Variants in ANGPT1 observed in about 807,000 individuals in gnomAD.
The protein encoded by ANGPT1 is angiopoietin-1.
In ANGPT1, 17 loss-of-function variants were observed where a neutral mutation model predicts 62.2. The observed-to-expected ratio is 0.27, with a 90% CI of 0.19 to 0.41. The LOEUF (loss-of-function observed/expected upper bound fraction) is 0.41. Among genes scored for constraint, ANGPT1 ranks in the 10% least tolerant of loss-of-function variants. ANGPT1 has a pLI of 1.00. For missense variants in ANGPT1, 478 were observed against 594.9 expected (o/e 0.80, Z 2.04); for synonymous variants, 199 against 198.9 (o/e 1.00, Z 0.00).
intron 8 of ANGPT1, among the ~76,000 whole-genome samples, chr8:107,257,500 C>A (rs2514870): frequency 1.3e-5 from 2 of 152,100 alleles, no homozygotes; most frequent in African/African-American, 4.8e-5. Flanking sequence ...AAACAAAACA[C>A]CTCTCAACAC....
At chr8:107,280,311 T>C (rs1223929853) in intron 7 of ANGPT1, among the ~76,000 whole-genome samples, 1 of 151,952 alleles carries the variant, frequency 6.6e-6, no homozygotes, top group Non-Finnish European at 1.5e-5. Flanking sequence ...AGTGATTCTC[T>C]TGTCTCAGCG....
intron 1 of ANGPT1, among the ~76,000 whole-genome samples, chr8:107,384,625 T>C (rs192383801): frequency 2.2e-3 from 341 of 152,244 alleles, no homozygotes; most frequent in Non-Finnish European, 3.9e-3. Context: ...AGTATTTTAT[T>C]GGGGACTTAT....
At chr8:107,443,913 T>A (rs1265024730) in intron 1 of ANGPT1, among the ~76,000 whole-genome samples, 1 of 152,094 alleles carries the variant, frequency 6.6e-6, no homozygotes, top group Non-Finnish European at 1.5e-5. Context: ...GAAGTTACCA[T>A]GCAGACAAAC....
intron 1 of ANGPT1, among the ~76,000 whole-genome samples, chr8:107,455,563 C>T (rs1386802938): frequency 3.3e-5 from 5 of 151,984 alleles, no homozygotes; most frequent in Non-Finnish European, 7.4e-5. Flanking sequence ...ATACAACAGC[C>T]TTTGCATCAT....
chr8:107,257,876 G>GTTTTTTGTTTT (rs1371396961), intron 8 of ANGPT1, among the ~76,000 whole-genome samples: 2 of 85,260 alleles, frequency 2.3e-5, no homozygotes, highest in African/African-American at 9.3e-5. Context: ...ACTTGTTTTT[G>GTTTTTTGTTTT]TTTCTTTTTT....
rs996647483 is a variant in ANGPT1, at chr8:107,272,826, T to C, written c.1206-8475A>G. Among the ~76,000 whole-genome samples the C allele has an allele frequency of 4.6e-5, 7 of 151,432 alleles. No homozygotes were observed. The Admixed American group carries it at 4.6e-4, about 10-fold the overall frequency. ...TTCAGAAATACATGCTCAGTGATTA[T>C]GTTTTTAGTTCAAAATAAGATAAAT... On this transcript the variant is annotated intron_variant, in intron 7 of 8. Coordinates refer to ENST00000517746, the MANE Select transcript of ANGPT1 (RefSeq NM_001146.5).
At chr8:107,437,106 C>T (rs894518737) in intron 1 of ANGPT1, among the ~76,000 whole-genome samples, 1 of 152,120 alleles carries the variant, frequency 6.6e-6, no homozygotes, top group Non-Finnish European at 1.5e-5. Context: ...GTTACATTTC[C>T]AGGACTTTCT....
At chr8:107,393,187 A>C (rs1463707585) in intron 1 of ANGPT1, among the ~76,000 whole-genome samples, 1 of 152,112 alleles carries the variant, frequency 6.6e-6, no homozygotes, top group Non-Finnish European at 1.5e-5. Flanking sequence ...AGCTGTAACT[A>C]TTTATTATAA....
At chr8:107,333,116 T>C (rs1438654023) in intron 3 of ANGPT1, among the ~76,000 whole-genome samples, 8 of 152,182 alleles carry the variant, frequency 5.3e-5, no homozygotes, top group East Asian at 1.9e-4. Flanking sequence ...GAAAGTATGC[T>C]ATGTATCACA....
chr8:107,298,710 A>G (rs537816221), intron 5 of ANGPT1, among the ~76,000 whole-genome samples: 1 of 151,862 alleles, frequency 6.6e-6, no homozygotes, highest in Admixed American at 6.6e-5. Flanking sequence ...CAACTCACAC[A>G]CTGACTACAA....
intron 6 of ANGPT1, among the ~76,000 whole-genome samples, chr8:107,293,570 T>C (rs1814335477): frequency 6.6e-6 from 1 of 152,102 alleles, no homozygotes; most frequent in Non-Finnish European, 1.5e-5. Context: ...GGTGAGGCCA[T>C]TGCTATTACC....
At chr8:107,297,904 A>C (rs1008538861) in intron 5 of ANGPT1, among the ~76,000 whole-genome samples, 54 of 151,992 alleles carry the variant, frequency 3.6e-4, no homozygotes, top group African/African-American at 1.1e-3. Context: ...AATTTAAAAA[A>C]ATAGATGGTA....
chr8:107,299,391 G>GTGTATATATA (rs71562137), intron 5 of ANGPT1, among the ~76,000 whole-genome samples: 1 of 112,596 alleles, frequency 8.9e-6, no homozygotes, highest in African/African-American at 3.4e-5. Context: ...ATGAAGGAGT[G>GTGTATATATA]TATATATATA....
At chr8:107,382,560 G>T (rs1374307695) in intron 1 of ANGPT1, among the ~76,000 whole-genome samples, 2 of 151,932 alleles carry the variant, frequency 1.3e-5, no homozygotes, top group Non-Finnish European at 2.9e-5. Context: ...CCTATTTATA[G>T]CATTTCCCAT....
chr8:107,278,256 A>C (rs564748412), intron 7 of ANGPT1, among the ~76,000 whole-genome samples: 20 of 151,680 alleles, frequency 1.3e-4, no homozygotes, highest in Non-Finnish European at 2.1e-4. Context: ...TTGTTTTTTT[A>C]ATTTTTAATA....
intron 1 of ANGPT1, among the ~76,000 whole-genome samples, chr8:107,482,276 G>C (rs904544929): frequency 4.6e-5 from 7 of 152,168 alleles, no homozygotes; most frequent in Non-Finnish European, 8.8e-5. Context: ...TTTCAGAAAA[G>C]GAACTGTAGG....
chr8:107,289,257 T>C (rs926449297), intron 6 of ANGPT1, among the ~76,000 whole-genome samples: 2 of 152,118 alleles, frequency 1.3e-5, no homozygotes, highest in Admixed American at 1.3e-4. Flanking sequence ...CAAAAACACA[T>C]GCAAAGGAAA....
intron 4 of ANGPT1, among the ~76,000 whole-genome samples, chr8:107,309,952 T>G (rs180699720): frequency 9.8e-5 from 15 of 152,288 alleles, no homozygotes; most frequent in African/African-American, 3.4e-4. Context: ...TTAAAACAAC[T>G]ACTTCTTTTC....
chr8:107,332,429 G>A (rs565309446), intron 3 of ANGPT1, among the ~76,000 whole-genome samples: 1 of 152,236 alleles, frequency 6.6e-6, no homozygotes, highest in African/African-American at 2.4e-5. Context: ...GACTCCCTCT[G>A]GACTGTTAGG....
Sources: gnomAD v4.1 joint callset for allele counts (sites outside exome capture counted in the v4.1 genomes callset) on GRCh38, gnomAD v4.1.1 for gene constraint, MANE v1.5 for transcripts, NCBI Gene and HGNC (gene_info 2026-07-23, HGNC 2026-07-21) for gene names.